GLDC: variants seen among roughly 807,000 people sequenced by gnomAD.
The protein encoded by GLDC is glycine dehydrogenase (decarboxylating), mitochondrial.
GLDC carries 104 observed loss-of-function variants against 121.3 expected under a neutral mutation model. The observed-to-expected ratio is 0.86, with a 90% CI of 0.73 to 1.01. The LOEUF is 1.01. GLDC is among the 50% of genes least tolerant of loss of function. The probability of loss-of-function intolerance (pLI) is 0.00; values close to 1 mark genes in which losing one functional copy is unlikely to be tolerated. For missense variants in GLDC, 1,429 were observed against 1,306.6 expected, an observed-to-expected ratio of 1.09 and a Z score of -1.44; for synonymous variants, 546 against 480.6, an observed-to-expected ratio of 1.14 and a Z score of -1.78.
At chr9:6,639,668 A>AAAAATATATATATATATATATAT in intron 2 of GLDC, 19 of 250,548 alleles carry the variant, frequency 7.6e-5, no homozygotes, top group Middle Eastern at 1.2e-3. Context: ...ATAAAAAAAA[A>AAAAATATATATATATATATATAT]GTATATATAT....
intron 3 of GLDC, among the ~76,000 whole-genome samples, chr9:6,612,524 G>C (rs1056038345): frequency 6.6e-5 from 10 of 152,086 alleles, no homozygotes; most frequent in African/African-American, 2.4e-4. Context: ...CTCGAGCCCT[G>C]GAATTCGAGA....
In GLDC at chr9:6,544,810, G is replaced by T. The variant is rs567609306; in HGVS notation, c.2570-4664C>A. Among the ~76,000 whole-genome samples, 9 of 152,166 alleles carry T rather than the reference G, an allele frequency of 5.9e-5. 1 individual carries two copies. Among genetic ancestry groups the T allele is most frequent in the South Asian group, 2.1e-4 (1 of 4,820 alleles). On this transcript the variant is annotated intron_variant, in intron 21 of 24. Transcript: ENST00000321612. ...ATTTTTGCAATTCTTCCTTTAAAAT[G>T]TATCAACTTGCCGGGGCAATGGCTC...
intron 2 of GLDC, among the ~76,000 whole-genome samples, chr9:6,628,948 T>A (rs1819305405): frequency 6.6e-6 from 1 of 152,088 alleles, no homozygotes; most frequent in African/African-American, 2.4e-5. Flanking sequence ...CATTGCATAA[T>A]CTCCTGGTCC....
chr9:6,615,037 G>C (rs1264323000), intron 3 of GLDC, among the ~76,000 whole-genome samples: 4 of 152,168 alleles, frequency 2.6e-5, no homozygotes, highest in African/African-American at 9.7e-5. Flanking sequence ...TCACTACGCA[G>C]GGCATGAGTG....
At chr9:6,599,636 G>A (rs529737356) in intron 8 of GLDC, among the ~76,000 whole-genome samples, 8 of 151,264 alleles carry the variant, frequency 5.3e-5, no homozygotes, top group South Asian at 2.1e-4. Flanking sequence ...CAAGAGAATC[G>A]CTGGAAACTG....
chr9:6,633,498 C>A (rs1819434131), intron 2 of GLDC, among the ~76,000 whole-genome samples: 1 of 152,144 alleles, frequency 6.6e-6, no homozygotes, highest in East Asian at 1.9e-4. Flanking sequence ...CAAGCAAGAC[C>A]CAATCTCTTC....
chr9:6,602,185 A>G lies in GLDC; in HGVS notation c.1079T>C (p.Val360Ala). 6.2e-7 allele frequency: 1 copy of G among 1,611,662 alleles called. No homozygotes were observed. Among genetic ancestry groups the G allele is most frequent in the Non-Finnish European group, 8.5e-7 (1 of 1,177,964 alleles). ...GVTRDATGKE[V>A]YRLALQTREQ... ...CCTGGTTTGAAGAGCAAGACGATAC[A>G]CTTCTTTCCCAGTGGCATCTCTACA... The change falls in exon 8 of 25, where the codon GTG becomes GCG. Residue 360 changes from valine to alanine, a missense_variant. By Grantham distance (64) the Val-to-Ala change is moderately conservative. Coordinates refer to ENST00000321612, the MANE Select transcript of GLDC (RefSeq NM_000170.3).
chr9:6,604,492 G>T, intron 7 of GLDC, 96 bp downstream of exon 7: 1 of 1,124,270 alleles, frequency 8.9e-7, no homozygotes, highest in Non-Finnish European at 1.4e-6. Context: ...ACTCAACATG[G>T]CCCAGTTGAA....
intron 2 of GLDC, among the ~76,000 whole-genome samples, chr9:6,644,053 A>G (rs1467114032): frequency 1.9e-5 from 2 of 104,082 alleles, no homozygotes; most frequent in Admixed American, 1.0e-4. Context: ...AAAAAAAACG[A>G]AAAAAAAAAG....
Position 6,590,482 on chromosome 9 carries a change from A to T in GLDC, c.1483-1190T>A, listed in dbSNP as rs563943687. On this transcript the variant is annotated intron_variant, in intron 11 of 24. Transcript: ENST00000321612. Reference sequence around the variant, plus strand: ...ACTCTACTAGTTCCCATGAGAACTGATGAGAAGTGATTGTTAAAAAGAGCC... The same window carrying T: ...ACTCTACTAGTTCCCATGAGAACTGTTGAGAAGTGATTGTTAAAAAGAGCC... Among the ~76,000 whole-genome samples the T allele has an allele frequency of 2.6e-5, 4 of 152,238 alleles. No individual in the cohort carries two copies. The South Asian group carries it at 8.3e-4, about 32-fold the overall frequency.
chr9:6,592,750 A>C, intron 10 of GLDC, 101 bp downstream of exon 10: 2 of 1,167,326 alleles, frequency 1.7e-6, no homozygotes, highest in South Asian at 2.7e-5. Flanking sequence ...ACTGTGCCTA[A>C]AGTTTTCCTT....
intron 24 of GLDC, among the ~76,000 whole-genome samples, chr9:6,533,513 T>C (rs1270946375): frequency 2.0e-5 from 3 of 152,180 alleles, no homozygotes; most frequent in Non-Finnish European, 2.9e-5. Context: ...TCTTTTAACA[T>C]AGGTCTAATT....
At chr9:6,592,725 T>C in intron 10 of GLDC, 126 bp downstream of exon 10, 3 of 846,666 alleles carry the variant, frequency 3.5e-6, no homozygotes, top group Non-Finnish European at 5.7e-6. Context: ...TAACACTTGT[T>C]TATGAAAAAA....
intron 3 of GLDC, among the ~76,000 whole-genome samples, chr9:6,617,095 C>A (rs1277141156): frequency 6.6e-6 from 1 of 152,018 alleles, no homozygotes; most frequent in Non-Finnish European, 1.5e-5. Context: ...TTTATTTTCC[C>A]CTCACGTCTC....
chr9:6,615,895 G>A (rs1370191717), intron 3 of GLDC, among the ~76,000 whole-genome samples: 1 of 151,812 alleles, frequency 6.6e-6, no homozygotes, highest in Non-Finnish European at 1.5e-5. Context: ...ATACAGGCGT[G>A]AGCCACCGCA....
chr9:6,554,612 G>C, intron 19 of GLDC, 57 bp downstream of exon 19: 2 of 1,162,330 alleles, frequency 1.7e-6, no homozygotes, highest in Non-Finnish European at 2.6e-6. Flanking sequence ...GTCTATTTAG[G>C]GCCACTCCTT....
chr9:6,588,805 G>C (rs1818320028), intron 12 of GLDC, 103 bp from the exon 13 acceptor site: 1 of 792,954 alleles, frequency 1.3e-6, no homozygotes, highest in African/African-American at 1.7e-5. Flanking sequence ...TCAAAATGCA[G>C]ATCAATTTTG....
intron 15 of GLDC, among the ~76,000 whole-genome samples, chr9:6,576,959 T>C (rs1226984714): frequency 6.6e-6 from 1 of 152,236 alleles, no homozygotes; most frequent in Non-Finnish European, 1.5e-5. Context: ...ACCTCACATT[T>C]TCTAGATCCT....
chr9:6,589,286 C>A lies in GLDC; in HGVS notation c.1489G>T (p.Val497Phe), dbSNP rs1389059785. The A allele has an allele frequency of 1.9e-6, 3 of 1,600,928 alleles. No individual in the cohort carries two copies. Among genetic ancestry groups the A allele is most frequent in the East Asian group, 4.5e-5 (2 of 44,828 alleles). Residue 497 changes from valine to phenylalanine, a missense_variant, in exon 12 of 25, where the codon GTT becomes TTT. Val to Phe is a conservative substitution (Grantham distance 50). Transcript: ENST00000321612. ...CACTCCTCTCCCATGCTTTCAGCAA[C>A]CAGTTCCTGAAGGAGAAACACAGAG... ...IFGCESSAEL[V>F]AESMGEECRG... is the part of the protein sequence containing the mutation.
Sources: allele counts gnomAD v4.1 joint callset (sites outside exome capture counted in the v4.1 genomes callset), GRCh38; gene constraint gnomAD v4.1.1; transcripts MANE v1.5; gene names NCBI Gene and HGNC (gene_info 2026-07-23, HGNC 2026-07-21).